TCEA2: variants seen among roughly 807,000 people sequenced by gnomAD.
TCEA2 encodes transcription elongation factor A protein 2.
A neutral mutation model predicts 40.8 loss-of-function variants in TCEA2; 21 were observed. That is an observed-to-expected ratio of 0.51 (90% CI 0.36 to 0.74). TCEA2 has a LOEUF of 0.74. TCEA2 is among the 30% of genes least tolerant of loss of function. The probability of loss-of-function intolerance (pLI) is 0.00; values close to 1 mark genes in which losing one functional copy is unlikely to be tolerated. For missense variants in TCEA2, 326 were observed against 426.5 expected (o/e 0.76, Z 2.08); for synonymous variants, 165 against 162.7 (o/e 1.01, Z -0.11).
chr20:64,062,017 C>T (rs958291769), upstream of TCEA2, among the ~76,000 whole-genome samples: 3 of 152,254 alleles, frequency 2.0e-5, no homozygotes, highest in Non-Finnish European at 4.4e-5. Context: ...GCATGAGCCA[C>T]TATTGCCCGG....
chr20:64,059,327 G>A (rs1048183206), upstream of TCEA2, among the ~76,000 whole-genome samples: 3 of 151,664 alleles, frequency 2.0e-5, no homozygotes, highest in Admixed American at 1.3e-4. Flanking sequence ...CATCTTGCCC[G>A]ACCGCCCCCC....
upstream of TCEA2, among the ~76,000 whole-genome samples, chr20:64,059,200 A>G (rs1167346458): frequency 1.4e-5 from 2 of 146,076 alleles, no homozygotes; most frequent in Non-Finnish European, 3.0e-5. Context: ...TCTCAAAAAA[A>G]AAAAAAAAAA....
upstream of TCEA2, among the ~76,000 whole-genome samples, chr20:64,061,792 T>C (rs2059570571): frequency 6.6e-6 from 1 of 151,978 alleles, no homozygotes; most frequent in South Asian, 2.1e-4. Context: ...GCAATGGTGC[T>C]ATCTTGGCTC....
intron 3 of TCEA2, 107 bp downstream of exon 3, chr20:64,067,127 G>C: frequency 1.6e-6 from 2 of 1,242,490 alleles, no homozygotes; most frequent in Non-Finnish European, 2.3e-6. Flanking sequence ...CCCTGAGCCA[G>C]GTCGCTTGGG....
chr20:64,063,455 C>T lies in TCEA2; in HGVS notation c.72+71C>T, dbSNP rs948378724. The T allele has an allele frequency of 1.1e-5, 16 of 1,502,732 alleles. No individual in the cohort carries two copies. The African/African-American group carries it at 2.1e-4, about 20-fold the overall frequency. The allele number at this position is 1,502,732 out of a possible 1,614,324, so 93.1% of individuals were successfully genotyped here. ...AGACCCCGTCGAGCCCGCCGACCCC[C>T]GTTAGGGCCGGAAGACGACCTGAGG... On this transcript the variant is annotated intron_variant, in intron 1 of 9. Transcript: ENST00000343484.
rs1345823040 is a variant in TCEA2 at position 64,063,321 on chromosome 20, C to T, written c.9C>T (p.Gly3=). ...TCGCTGCTCCTGAGGCGATGATGGGCAAGGAAGAGGAGATTGCGCGGATCG... is the reference window on the plus strand; with the variant it reads ...TCGCTGCTCCTGAGGCGATGATGGGTAAGGAAGAGGAGATTGCGCGGATCG... MM[G]KEEEIARIAR... Residue 3 remains glycine, a synonymous_variant, in exon 1 of 10, where the codon GGC becomes GGT. Transcript: ENST00000343484. 3.2e-6 allele frequency: 5 copies of T among 1,545,762 alleles called. No individual in the cohort carries two copies. The highest frequency in any genetic ancestry group is 1.7e-4 in the Middle Eastern group (1 of 5,978).
intron 5 of TCEA2, 101 bp downstream of exon 5, chr20:64,069,592 C>T (rs2059778821): frequency 6.5e-7 from 1 of 1,549,300 alleles, no homozygotes; most frequent in Non-Finnish European, 8.7e-7. Flanking sequence ...GGGTGACTGT[C>T]CTCCCCCAGC....
chr20:64,069,794 G>C lies in TCEA2; in HGVS notation c.490G>C (p.Glu164Gln), dbSNP rs781463255. 5 of 1,613,732 alleles carry C rather than the reference G, an allele frequency of 3.1e-6. No individual in the cohort carries two copies. The Admixed American group carries it at 5.0e-5, about 16-fold the overall frequency. Residue 164 changes from glutamate to glutamine, a missense_variant, in exon 6 of 10, where the codon GAG (glutamate) becomes CAG (glutamine). Transcript: ENST00000343484. ...HDHVAIGADC[E>Q]RLSAQIEECI... ...CCACGTGGCCATCGGTGCGGACTGC[G>C]AGCGCCTGTCGGCTCAGATCGAGGA... is the stretch of plus-strand genomic sequence containing the variant.
At chr20:64,055,673 T>C (rs1468637493), upstream of TCEA2, among the ~76,000 whole-genome samples, 1 of 152,024 alleles carries the variant, frequency 6.6e-6, no homozygotes, top group Non-Finnish European at 1.5e-5. This position sits in a 1 kb window ranked among gnomAD's most constrained non-coding sequence, Gnocchi z 4.0. Flanking sequence ...GGTGGGACCT[T>C]GGGAGGTTCT....
Position 64,067,016 on chromosome 20 carries a change from C to T in TCEA2, c.237C>T (p.Leu79=), listed in dbSNP as rs1367198132. The T allele has an allele frequency of 6.2e-7, 1 of 1,611,440 alleles. No individual in the cohort carries two copies. The highest frequency in any genetic ancestry group is 1.3e-5 in the African/African-American group (1 of 74,978). The change falls in exon 3 of 10, where the codon CTC becomes CTT. Residue 79 remains leucine, a synonymous_variant. Coordinates refer to ENST00000343484, the MANE Select transcript of TCEA2 (RefSeq NM_003195.6). ...AKSLIKSWKK[L]LDASDAKARE... ...CTCTCATCAAGTCCTGGAAGAAGCT[C>T]CTGGGTGCGGCTCAGGCGGTGCCCA...
At chr20:64,057,037 C>A (rs1361141045), upstream of TCEA2, 2 of 152,306 alleles carry the variant, frequency 1.3e-5, no homozygotes, top group African/African-American at 2.4e-5. Context: ...GGCTCGGCCC[C>A]CGGTGAGGCT....
chr20:64,056,754 C>A (rs1477478860), upstream of TCEA2: 3 of 152,220 alleles, frequency 2.0e-5, no homozygotes, highest in Non-Finnish European at 4.4e-5. Context: ...TCCGACGTTT[C>A]CTGGACTCAG....
chr20:64,061,599 CAG>C (rs1337655280), upstream of TCEA2, among the ~76,000 whole-genome samples: 1 of 151,772 alleles, frequency 6.6e-6, no homozygotes, highest in Non-Finnish European at 1.5e-5. Context: ...CTAGCAGAGA[CAG>C]GGTTTCACCA....
chr20:64,071,175 C>T (rs2059820676), intron 8 of TCEA2, among the ~76,000 whole-genome samples: 4 of 152,116 alleles, frequency 2.6e-5, no homozygotes, highest in Admixed American at 2.6e-4. Flanking sequence ...TGGTGAAACC[C>T]CGTCTCTACT....
chr20:64,067,814 G>A (rs1313708869), intron 3 of TCEA2, among the ~76,000 whole-genome samples: 1 of 152,232 alleles, frequency 6.6e-6, no homozygotes, highest in East Asian at 1.9e-4. Flanking sequence ...GGGTTCTGGG[G>A]AGGCAGCCTC....
At chr20:64,063,603 C>T (rs2059619281) in intron 1 of TCEA2, 2 of 599,128 alleles carry the variant, frequency 3.3e-6, no homozygotes, top group Non-Finnish European at 2.9e-6. Flanking sequence ...GCAGAGGCCG[C>T]GATCAGGCCT....
At position 64,070,197 on chromosome 20, in the gene TCEA2, G is replaced by A. The variant is rs374448473; in HGVS notation, c.518-63G>A. The A allele has an allele frequency of 2.4e-5, 38 of 1,594,050 alleles. No homozygotes were observed. In the African/African-American group the frequency reaches 3.5e-4, roughly 15 times the overall value. On this transcript the variant is annotated intron_variant, in intron 6 of 9. Transcript: ENST00000343484. ...CCCCCACCCCAACATGGCCCCCAGC[G>A]GGGCAGGTGGTAGGTGGAGGGCAGC...
chr20:64,059,419 T>C (rs770557484), upstream of TCEA2, among the ~76,000 whole-genome samples: 10 of 152,018 alleles, frequency 6.6e-5, no homozygotes, highest in African/African-American at 7.3e-5. Flanking sequence ...TGTCCCTCCC[T>C]GCAGCTTGGT....
upstream of TCEA2, chr20:64,062,549 T>G (rs1383873466): frequency 6.6e-6 from 1 of 151,454 alleles, no homozygotes; most frequent in Non-Finnish European, 1.5e-5. Flanking sequence ...GCCCAGAATC[T>G]GCTCCCTGGT....
Sources: allele counts gnomAD v4.1 joint callset (sites outside exome capture counted in the v4.1 genomes callset), GRCh38; gene constraint gnomAD v4.1.1; non-coding constraint Gnocchi (gnomAD v3.1); transcripts MANE v1.5; gene names NCBI Gene and HGNC (gene_info 2026-07-23, HGNC 2026-07-21).